TOX: variants seen among roughly 807,000 people sequenced by gnomAD.
The protein encoded by TOX is thymocyte selection-associated high mobility group box protein TOX.
In TOX, 11 loss-of-function variants were observed where a neutral mutation model predicts 53.7. The ratio of observed to expected loss-of-function variants is 0.20; its 90% CI spans 0.13 to 0.34. The LOEUF (loss-of-function observed/expected upper bound fraction) is 0.34, where lower values mean the gene tolerates loss of function less well. Among genes scored for constraint, TOX ranks in the 10% least tolerant of loss-of-function variants. The pLI, the probability that TOX is intolerant of heterozygous loss-of-function variation, is 1.00. For missense variants in TOX, 570 were observed against 664.6 expected (o/e 0.86, Z 1.56); for synonymous variants, 225 against 245.3 (o/e 0.92, Z 0.77).
intron 3 of TOX, among the ~76,000 whole-genome samples, chr8:58,926,972 T>C (rs1347073228): frequency 6.6e-6 from 1 of 152,136 alleles, no homozygotes; most frequent in Non-Finnish European, 1.5e-5. Flanking sequence ...CAACTTTAGG[T>C]ACTAAAAATG....
Position 59,007,134 on chromosome 8 carries a change from G to A in TOX, c.103-47126C>T, listed in dbSNP as rs188013209. On this transcript the variant is annotated intron_variant, in intron 1 of 8. Transcript: ENST00000361421. ...TTTCCAGGACTTTTTCCTTTTCCCA[G>A]TGCCCACAAAACAAGCTATTACTTC... is the stretch of plus-strand genomic sequence containing the variant. Among the ~76,000 whole-genome samples the A allele has an allele frequency of 2.6e-5, 4 of 152,076 alleles. No homozygotes were observed. The East Asian group carries it at 7.7e-4, about 29-fold the overall frequency.
intron 1 of TOX, among the ~76,000 whole-genome samples, chr8:59,098,166 C>A (rs1195111534): frequency 6.6e-6 from 1 of 152,162 alleles, no homozygotes; most frequent in East Asian, 1.9e-4. Flanking sequence ...GGAGCGCCAG[C>A]AGCCAGGTTC....
chr8:59,026,404 ATT>A (rs1814239188), intron 1 of TOX, among the ~76,000 whole-genome samples: 1 of 152,096 alleles, frequency 6.6e-6, no homozygotes, highest in Non-Finnish European at 1.5e-5. Flanking sequence ...CAAACATCTC[ATT>A]TTTTTAAAAC....
At chr8:59,011,729 A>T (rs914857115) in intron 1 of TOX, among the ~76,000 whole-genome samples, 6 of 152,146 alleles carry the variant, frequency 3.9e-5, no homozygotes, top group African/African-American at 1.2e-4. Flanking sequence ...GATAATAATA[A>T]TAATAACCAC....
chr8:59,101,093 A>T (rs1485834395), intron 1 of TOX, among the ~76,000 whole-genome samples: 1 of 152,192 alleles, frequency 6.6e-6, no homozygotes, highest in African/African-American at 2.4e-5. Context: ...AGGAAAGGAA[A>T]GGAAAAGCGC....
At chr8:58,981,687 A>T (rs988206897) in intron 1 of TOX, among the ~76,000 whole-genome samples, 2 of 152,072 alleles carry the variant, frequency 1.3e-5, no homozygotes, top group Non-Finnish European at 2.9e-5. Context: ...TTCTCTAATG[A>T]TCACCTTTTC....
At chr8:59,021,631 C>T (rs1814138001) in intron 1 of TOX, among the ~76,000 whole-genome samples, 1 of 151,430 alleles carries the variant, frequency 6.6e-6, no homozygotes, top group South Asian at 2.1e-4. Context: ...GGAACATATC[C>T]AAAATACAAA....
intron 1 of TOX, among the ~76,000 whole-genome samples, chr8:59,085,658 C>T (rs1804494282): frequency 6.6e-6 from 1 of 152,190 alleles, no homozygotes; most frequent in Non-Finnish European, 1.5e-5. Context: ...ATTGTTCTGG[C>T]ATTACAGGCG....
At chr8:59,092,567 GCAAA>G (rs1444425088) in intron 1 of TOX, among the ~76,000 whole-genome samples, 1 of 151,438 alleles carries the variant, frequency 6.6e-6, no homozygotes, top group African/African-American at 2.4e-5. Context: ...ACAAGCATCA[GCAAA>G]CAAATGCCAA....
At chr8:58,838,036 C>T (rs1213642484) in intron 5 of TOX, 45 bp downstream of exon 5, 1 of 1,583,426 alleles carries the variant, frequency 6.3e-7, no homozygotes, top group Non-Finnish European at 8.6e-7. Context: ...TCAGACTGCA[C>T]AATCTCAGCT....
intron 1 of TOX, among the ~76,000 whole-genome samples, chr8:59,018,810 C>G (rs1006229984): frequency 3.3e-5 from 5 of 152,084 alleles, no homozygotes; most frequent in Admixed American, 6.6e-5. Context: ...AAAAAAACCC[C>G]TAAATTTTAG....
intron 1 of TOX, among the ~76,000 whole-genome samples, chr8:59,094,228 A>C (rs1343257531): frequency 6.6e-6 from 1 of 152,212 alleles, no homozygotes; most frequent in East Asian, 1.9e-4. Context: ...TTATTACTAG[A>C]AGTGGAACTA....
At chr8:58,812,082 A>G (rs1810087954) in intron 7 of TOX, among the ~76,000 whole-genome samples, 1 of 152,130 alleles carries the variant, frequency 6.6e-6, no homozygotes, top group African/African-American at 2.4e-5. Context: ...AAACATCTTC[A>G]GCATAAAGGT....
intron 5 of TOX, among the ~76,000 whole-genome samples, chr8:58,836,549 C>T (rs1453715536): frequency 6.6e-6 from 1 of 152,094 alleles, no homozygotes; most frequent in African/African-American, 2.4e-5. Flanking sequence ...CAGGCCTGTG[C>T]TTTCCTAGGA....
intron 1 of TOX, among the ~76,000 whole-genome samples, chr8:59,058,352 C>T (rs1803918627): frequency 1.3e-5 from 2 of 152,070 alleles, no homozygotes; most frequent in African/African-American, 4.8e-5. Context: ...TCTAAGATGA[C>T]ATAAAGGTGG....
chr8:59,065,589 C>A (rs1486812364), intron 1 of TOX, among the ~76,000 whole-genome samples: 1 of 152,094 alleles, frequency 6.6e-6, no homozygotes, highest in Non-Finnish European at 1.5e-5. Flanking sequence ...GAAGCTGAGA[C>A]CCAGAAAAGT....
intron 1 of TOX, among the ~76,000 whole-genome samples, chr8:59,068,382 G>A (rs2129422419): frequency 6.7e-6 from 1 of 150,218 alleles, no homozygotes; most frequent in Non-Finnish European, 1.5e-5. Context: ...AGGAGACGGG[G>A]GATAAAGAAG....
chr8:58,836,488 G>C (rs1810548586), intron 5 of TOX, among the ~76,000 whole-genome samples: 1 of 152,186 alleles, frequency 6.6e-6, no homozygotes, highest in Admixed American at 6.5e-5. Flanking sequence ...CGTTTTGGTG[G>C]TGTGTTTCCT....
chr8:58,824,920 A>G (rs826728), intron 6 of TOX, among the ~76,000 whole-genome samples: 126,619 of 152,130 alleles, frequency 0.83, 52,801 homozygotes, highest in East Asian at 0.91. Context: ...CCTGGGAGTT[A>G]CAATTATGGA....
Sources: allele counts gnomAD v4.1 joint callset (sites outside exome capture counted in the v4.1 genomes callset), GRCh38; gene constraint gnomAD v4.1.1; transcripts MANE v1.5; gene names NCBI Gene and HGNC (gene_info 2026-07-23, HGNC 2026-07-21).